The following ISY1 variants were observed in gnomAD, a reference collection of about 807,000 sequenced individuals.
The protein encoded by ISY1 is pre-mRNA-splicing factor ISY1 homolog.
ISY1 carries 12 observed loss-of-function variants against 54.4 expected under a neutral mutation model. The ratio of observed to expected loss-of-function variants is 0.22; its 90% CI spans 0.14 to 0.36. ISY1 has a LOEUF of 0.36. Among genes scored for constraint, ISY1 ranks in the 10% least tolerant of loss-of-function variants. ISY1 has a pLI of 1.00. For synonymous variants in ISY1, 96 were observed against 117.9 expected (o/e 0.81, Z 1.20); for missense variants, 282 against 342.2 (o/e 0.82, Z 1.39).
chr3:129,159,783 T>C (rs1021482060), intron 1 of ISY1, among the ~76,000 whole-genome samples: 5 of 152,234 alleles, frequency 3.3e-5, no homozygotes, highest in East Asian at 3.8e-4. Flanking sequence ...AGTCTCTCTA[T>C]CACTCAGTTT....
At chr3:129,148,158 T>C (rs1051785374) in intron 5 of ISY1, among the ~76,000 whole-genome samples, 2 of 152,140 alleles carry the variant, frequency 1.3e-5, no homozygotes, top group African/African-American at 4.8e-5. Flanking sequence ...CTGAGTATTA[T>C]TTTATTTTAT....
chr3:129,160,918 G>GGCCCGGGGGGGGGGGGGCC lies in ISY1; in HGVS notation c.3+54_3+55insGGCCCCCCCCCCCCCGGGC. 3 of 666,128 alleles carry GGCCCGGGGGGGGGGGGGCC rather than the reference G, an allele frequency of 4.5e-6. 1 individual carries two copies. Among genetic ancestry groups the GGCCCGGGGGGGGGGGGGCC allele is most frequent in the Non-Finnish European group, 8.2e-6 (3 of 364,544 alleles). 41.3% of individuals were successfully genotyped at this position (666,128 alleles called of 1,614,324 possible). ...AATGAGCGCCCCAGGTGGACTGGGC[G>GGCCCGGGGGGGGGGGGGCC]CCCCCCCGCCCGCCCGCCCATCCAC... is the stretch of plus-strand genomic sequence containing the variant. On this transcript the variant is annotated intron_variant, in intron 1 of 10. Coordinates refer to ENST00000393295, the MANE Select transcript of ISY1 (RefSeq NM_020701.4).
chr3:129,147,009 T>TA (rs1367610032), intron 5 of ISY1, among the ~76,000 whole-genome samples: 4 of 150,842 alleles, frequency 2.7e-5, no homozygotes, highest in African/African-American at 9.8e-5. Flanking sequence ...CAGTGAGCTG[T>TA]AATAGCACCA....
intron 5 of ISY1, 99 bp downstream of exon 5, chr3:129,156,534 T>A (rs969108327): frequency 4.8e-6 from 6 of 1,246,526 alleles, no homozygotes; most frequent in Non-Finnish European, 6.9e-6. Flanking sequence ...TGATTTACTA[T>A]CTACTTGCTC....
At chr3:129,146,247 C>T (rs1032710153) in intron 5 of ISY1, among the ~76,000 whole-genome samples, 4 of 152,056 alleles carry the variant, frequency 2.6e-5, no homozygotes, top group Admixed American at 2.0e-4. Flanking sequence ...GGCTGGGATA[C>T]GCACCCAGGG....
chr3:129,156,353 C>T (rs1267779226), intron 5 of ISY1, among the ~76,000 whole-genome samples: 2 of 147,542 alleles, frequency 1.4e-5, no homozygotes, highest in African/African-American at 2.5e-5. Flanking sequence ...GAGCCGAGAT[C>T]GCACCACTGC....
intron 5 of ISY1, among the ~76,000 whole-genome samples, chr3:129,146,999 C>T (rs1936780683): frequency 6.6e-6 from 1 of 151,334 alleles, no homozygotes; most frequent in Non-Finnish European, 1.5e-5. Flanking sequence ...GTGGAGACTG[C>T]AGTGAGCTGT....
rs1937297802 is a variant in ISY1, at chr3:129,161,014, C to T, written c.-39G>A. On this transcript the variant is annotated 5_prime_UTR_variant, in exon 1 of 11. Coordinates refer to ENST00000393295, the MANE Select transcript of ISY1 (RefSeq NM_020701.4). ...GCGCCGTCCTGGAGCCCCGCGGCCC[C>T]TGTCCAAGAAACTCCACAGGCCCAG... 4 of 1,548,918 alleles carry T rather than the reference C, an allele frequency of 2.6e-6. No individual in the cohort carries two copies. The highest frequency in any genetic ancestry group is 3.5e-6 in the Non-Finnish European group (4 of 1,146,294).
At chr3:129,143,718 T>C (rs1936693326) in intron 6 of ISY1, among the ~76,000 whole-genome samples, 1 of 151,628 alleles carries the variant, frequency 6.6e-6, no homozygotes, top group Admixed American at 6.6e-5. Flanking sequence ...AAATATGTAC[T>C]GTTTATATAA....
At chr3:129,146,077 G>GA (rs574794323) in intron 5 of ISY1, among the ~76,000 whole-genome samples, 4,588 of 148,298 alleles carry the variant, frequency 0.031, 102 homozygotes, top group Middle Eastern at 0.09. Flanking sequence ...ACTAGCGTAA[G>GA]AAAAAAAAAA....
Position 129,134,921 on chromosome 3 carries a change from A to C in ISY1, c.452T>G (p.Leu151Arg). The C allele has an allele frequency of 6.2e-7, 1 of 1,611,030 alleles. No homozygotes were observed. The highest frequency in any genetic ancestry group is 8.5e-7 in the Non-Finnish European group (1 of 1,177,880). The change falls in exon 8 of 11, where the codon CTC (leucine) becomes CGC (arginine). Residue 151 changes from leucine to arginine, a missense_variant. Leu to Arg is a moderately radical substitution (Grantham distance 102). Transcript: ENST00000393295. The stretch of plus-strand genomic sequence containing the variant: ...GTACTCAAAATCGATTGCCTTCATG[A>C]GCTCAGCACGTGTCTTTCTGGGAGG... ...LPPPRKTRAE[L>R]MKAIDFEYYG...
At chr3:129,140,124 C>G (rs773302503) in intron 7 of ISY1, among the ~76,000 whole-genome samples, 6 of 152,236 alleles carry the variant, frequency 3.9e-5, no homozygotes, top group Non-Finnish European at 8.8e-5. Context: ...AGATTAGCAC[C>G]TGCCAAAGGC....
Position 129,160,862 on chromosome 3 carries a change from C to T in ISY1, c.3+111G>A, listed in dbSNP as rs1435540968. 2.3e-5 allele frequency: 31 copies of T among 1,324,310 alleles called. No homozygotes were observed. The Admixed American group carries it at 6.1e-4, about 26-fold the overall frequency. The allele number at this position is 1,324,310 out of a possible 1,614,324, so 82.0% of individuals were successfully genotyped here. ...CCTCGTTACACCAAGGAACTTGAAG[C>T]CCTCAGCACTGCACGTCTGAGCCTC... is the stretch of plus-strand genomic sequence containing the variant. On this transcript the variant is annotated intron_variant, in intron 1 of 10. Transcript: ENST00000393295.
intron 5 of ISY1, among the ~76,000 whole-genome samples, chr3:129,150,295 G>A (rs918245700): frequency 2.6e-5 from 4 of 152,168 alleles, no homozygotes; most frequent in Non-Finnish European, 4.4e-5. Flanking sequence ...CATCTGTACT[G>A]TGTTAAGTCT....
rs1937230870 is a variant in ISY1, at chr3:129,159,158, C to A, written c.22G>T (p.Ala8Ser). The change falls in exon 2 of 11, where the codon GCC (alanine) becomes TCC (serine). Residue 8 changes from alanine (A) to serine (S), a missense_variant. Transcript: ENST00000393295. The part of the protein sequence containing the change: MARNAEK[A>S]MTALARFRQA... ...CAAAAACAAGTTGATACTTACATGG[C>A]CTTTTCTGCATTTCGGGCCTGGAAA... The A allele has an allele frequency of 3.1e-6, 5 of 1,605,994 alleles. No individual in the cohort carries two copies.
intron 6 of ISY1, among the ~76,000 whole-genome samples, chr3:129,142,604 A>G (rs1172583434): frequency 6.6e-6 from 1 of 152,188 alleles, no homozygotes; most frequent in African/African-American, 2.4e-5. Flanking sequence ...GAGTTAAAAA[A>G]CATTTTTTTA....
intron 1 of ISY1, 140 bp from the exon 2 acceptor site, chr3:129,159,316 A>G (rs1937236347): frequency 8.8e-7 from 1 of 1,141,828 alleles, no homozygotes; most frequent in African/African-American, 1.6e-5. Flanking sequence ...ACAATAAACA[A>G]AAATCAAAAG....
chr3:129,147,438 T>G (rs1454482118), intron 5 of ISY1, among the ~76,000 whole-genome samples: 1 of 151,920 alleles, frequency 6.6e-6, no homozygotes, highest in Non-Finnish European at 1.5e-5. Flanking sequence ...TCTGTTCTAT[T>G]AAGAAAGAAA....
chr3:129,160,946 G>T lies in ISY1; in HGVS notation c.3+27C>A, dbSNP rs771243429. 3 of 226,196 alleles carry T rather than the reference G, an allele frequency of 1.3e-5. No individual in the cohort carries two copies. The African/African-American group carries it at 1.6e-4, about 12-fold the overall frequency. The allele number at this position is 226,196 out of a possible 1,614,324, so 14.0% of individuals were successfully genotyped here. A position where few individuals can be genotyped will look rare whatever the true frequency, so the allele number is the denominator to read the frequency against. ...CCCCCGCCCGCCCGCCCATCCACTC[G>T]CTCCCTCACCCGCCCACCCTACTCA... On this transcript the variant is annotated intron_variant, in intron 1 of 10. Coordinates refer to ENST00000393295, the MANE Select transcript of ISY1 (RefSeq NM_020701.4).
Sources: allele counts gnomAD v4.1 joint callset (sites outside exome capture counted in the v4.1 genomes callset), GRCh38; gene constraint gnomAD v4.1.1; transcripts MANE v1.5; gene names NCBI Gene and HGNC (gene_info 2026-07-23, HGNC 2026-07-21).